CRIM1: variants seen among roughly 807,000 people sequenced by gnomAD.
CRIM1 encodes cysteine-rich motor neuron 1 protein.
A neutral mutation model predicts 116.4 loss-of-function variants in CRIM1; 32 were observed. The observed-to-expected ratio is 0.27, with a 90% CI of 0.21 to 0.37. The LOEUF (loss-of-function observed/expected upper bound fraction) is 0.37. Ranked by LOEUF, CRIM1 falls within the 10% of genes least tolerant of loss-of-function variation. The pLI is 1.00. For missense variants in CRIM1, 1,331 were observed against 1,354.8 expected (o/e 0.98, Z 0.28); for synonymous variants, 590 against 509.2 (o/e 1.16, Z -2.13).
chr2:36,523,100 G>A (rs918402400), intron 13 of CRIM1, among the ~76,000 whole-genome samples: 40 of 152,036 alleles, frequency 2.6e-4, no homozygotes, highest in African/African-American at 9.2e-4. Context: ...AATTACAGGT[G>A]CCTGCCACCT....
At chr2:36,365,429 A>C (rs1644749442) in intron 1 of CRIM1, among the ~76,000 whole-genome samples, 1 of 152,246 alleles carries the variant, frequency 6.6e-6, no homozygotes, top group South Asian at 2.1e-4. Flanking sequence ...CACTGAGGTT[A>C]CAGAAGGAAG....
intron 1 of CRIM1, among the ~76,000 whole-genome samples, chr2:36,381,828 C>T (rs1199247325): frequency 6.6e-6 from 1 of 152,228 alleles, no homozygotes; most frequent in Admixed American, 6.5e-5. Context: ...GAGTAAAGCA[C>T]ACCCCATTTG....
intron 4 of CRIM1, 72 bp from the exon 5 acceptor site, chr2:36,464,462 T>G (rs1256066791): frequency 3.8e-6 from 6 of 1,561,942 alleles, no homozygotes; most frequent in East Asian, 2.3e-5. Context: ...CACTGCCACT[T>G]TGTTTGTGGT....
chr2:36,539,530 G>C (rs1167596233), intron 14 of CRIM1, among the ~76,000 whole-genome samples: 1 of 152,214 alleles, frequency 6.6e-6, no homozygotes, highest in African/African-American at 2.4e-5. Flanking sequence ...CTTTGAATGG[G>C]ATTTCTCTGG....
In CRIM1 at chr2:36,356,287, A is replaced by C; in HGVS notation, c.-6A>C. On this transcript the variant is annotated 5_prime_UTR_variant, in exon 1 of 17. Transcript: ENST00000280527. The surrounding 1 kb of genome is among the most constrained non-coding windows in gnomAD (Gnocchi z 4.3). ...TGCGAGGAGGAGGCGGCGGCGGCGC[A>C]GGAGGATGTACTTGGTGGCGGGGGA... 1 of 1,459,798 alleles carries C rather than the reference A, an allele frequency of 6.9e-7. No individual in the cohort carries two copies. The highest frequency in any genetic ancestry group is 9.1e-7 in the Non-Finnish European group (1 of 1,096,922). The allele number at this position is 1,459,798 out of a possible 1,614,324, so 90.4% of individuals were successfully genotyped here. A position where few individuals can be genotyped will look rare whatever the true frequency, so the allele number is the denominator to read the frequency against.
At chr2:36,381,377 T>A (rs1464987195) in intron 1 of CRIM1, among the ~76,000 whole-genome samples, 1 of 152,176 alleles carries the variant, frequency 6.6e-6, no homozygotes, top group Non-Finnish European at 1.5e-5. Context: ...CCGGCAGGTT[T>A]CCTCAGACCA....
chr2:36,457,460 G>A (rs1011368440), intron 4 of CRIM1, among the ~76,000 whole-genome samples: 28 of 152,116 alleles, frequency 1.8e-4, no homozygotes, highest in Admixed American at 5.2e-4. Flanking sequence ...GGATGGCTGC[G>A]GGGGGAGAGT....
intron 16 of CRIM1, among the ~76,000 whole-genome samples, chr2:36,547,377 C>A (rs1184360939): frequency 6.6e-6 from 1 of 152,168 alleles, no homozygotes; most frequent in African/African-American, 2.4e-5. Flanking sequence ...TATCCATTAT[C>A]CATTGGTTAA....
intron 8 of CRIM1, among the ~76,000 whole-genome samples, chr2:36,509,284 A>C (rs1318635529): frequency 1.3e-5 from 2 of 152,220 alleles, no homozygotes; most frequent in Non-Finnish European, 1.5e-5. Flanking sequence ...TGGGAAGCTG[A>C]CACTGGCGGA....
At chr2:36,486,342 T>C (rs966734523) in intron 7 of CRIM1, among the ~76,000 whole-genome samples, 2 of 152,248 alleles carry the variant, frequency 1.3e-5, no homozygotes, top group African/African-American at 4.8e-5. Flanking sequence ...CTAGGAGTTC[T>C]GCTGCTGGTT....
At chr2:36,479,361 A>G (rs2125045654) in intron 6 of CRIM1, 136 bp from the exon 7 acceptor site, 3 of 786,924 alleles carry the variant, frequency 3.8e-6, no homozygotes, top group Non-Finnish European at 4.1e-6. Context: ...TCCTCATGCA[A>G]CCCTGCGCTT....
chr2:36,462,101 GTA>G (rs1259398507), intron 4 of CRIM1, among the ~76,000 whole-genome samples: 1 of 152,150 alleles, frequency 6.6e-6, no homozygotes, highest in Non-Finnish European at 1.5e-5. Flanking sequence ...CAGTTTAGTT[GTA>G]AAGATTCAGC....
intron 7 of CRIM1, among the ~76,000 whole-genome samples, chr2:36,484,815 A>G (rs1219754989): frequency 6.6e-6 from 1 of 152,188 alleles, no homozygotes; most frequent in Non-Finnish European, 1.5e-5. Context: ...TAATATTTTA[A>G]AAGGTAGCAT....
chr2:36,543,709 A>G lies in CRIM1; in HGVS notation c.2624-667A>G, dbSNP rs1553337116. Among the ~76,000 whole-genome samples the G allele has an allele frequency of 2.0e-5, 3 of 150,284 alleles. No individual in the cohort carries two copies. The South Asian group carries it at 6.4e-4, about 32-fold the overall frequency. ...TCTGATTTTTTTTTTTTTTAAAAAGACCTGATATTTGAGATAAATAATATT... is the reference window on the plus strand; with the variant it reads ...TCTGATTTTTTTTTTTTTTAAAAAGGCCTGATATTTGAGATAAATAATATT... On this transcript the variant is annotated intron_variant, in intron 14 of 16. Coordinates refer to ENST00000280527, the MANE Select transcript of CRIM1 (RefSeq NM_016441.3).
intron 13 of CRIM1, among the ~76,000 whole-genome samples, chr2:36,534,387 GA>G (rs747809847): frequency 4.4e-5 from 6 of 137,128 alleles, no homozygotes; most frequent in African/African-American, 1.4e-4. Context: ...GGAAGGGAGG[GA>G]GGGGGAAGGA....
chr2:36,534,831 T>C (rs952576305), intron 13 of CRIM1, among the ~76,000 whole-genome samples: 1 of 152,052 alleles, frequency 6.6e-6, no homozygotes, highest in South Asian at 2.1e-4. Context: ...ATGAGGAGTT[T>C]TACCTCCTGT....
At chr2:36,402,454 A>C in intron 2 of CRIM1, among the ~76,000 whole-genome samples, 2 of 110,472 alleles carry the variant, frequency 1.8e-5, no homozygotes, top group African/African-American at 3.5e-5. Flanking sequence ...GGGGGGAGGG[A>C]GGGGTAAGGG....
intron 14 of CRIM1, among the ~76,000 whole-genome samples, chr2:36,541,543 A>T (rs1666942840): frequency 6.6e-6 from 1 of 152,144 alleles, no homozygotes; most frequent in Admixed American, 6.5e-5. Context: ...TCTCCCAAAA[A>T]AATGCTGACC....
At chr2:36,498,888 A>C (rs900562383) in intron 7 of CRIM1, among the ~76,000 whole-genome samples, 1 of 152,272 alleles carries the variant, frequency 6.6e-6, no homozygotes, top group African/African-American at 2.4e-5. Flanking sequence ...AAGAAATAGA[A>C]GAGCAGTTAA....
Sources: gnomAD v4.1 joint callset for allele counts (sites outside exome capture counted in the v4.1 genomes callset) on GRCh38, gnomAD v4.1.1 for gene constraint, Gnocchi (gnomAD v3.1) non-coding constraint, MANE v1.5 for transcripts, NCBI Gene and HGNC (gene_info 2026-07-23, HGNC 2026-07-21) for gene names.